The following ADGRL2 variants were observed in gnomAD, a reference collection of about 807,000 sequenced individuals.
ADGRL2 encodes calcium-independent alpha-latrotoxin receptor 2.
Under a neutral mutation model 157.4 loss-of-function variants are expected in ADGRL2, and 44 were observed. The observed-to-expected ratio is 0.28, with a 90% CI of 0.22 to 0.36. The LOEUF (loss-of-function observed/expected upper bound fraction) is 0.36. Among genes scored for constraint, ADGRL2 ranks in the 10% least tolerant of loss-of-function variants. ADGRL2 has a pLI of 1.00. For synonymous variants in ADGRL2, 585 were observed against 624.7 expected, an observed-to-expected ratio of 0.94 and a Z score of 0.95; for missense variants, 1,510 against 1,768.9, an observed-to-expected ratio of 0.85 and a Z score of 2.63.
At chr1:81,543,915 A>C (rs895614822) in intron 2 of ADGRL2, among the ~76,000 whole-genome samples, 1 of 152,148 alleles carries the variant, frequency 6.6e-6, no homozygotes, top group Non-Finnish European at 1.5e-5. Flanking sequence ...GAATGCTTCC[A>C]TTAAAGCCTA....
intron 1 of ADGRL2, among the ~76,000 whole-genome samples, chr1:81,397,711 TGAGAC>T (rs1157013862): frequency 7.9e-5 from 12 of 152,192 alleles, no homozygotes; most frequent in African/African-American, 2.9e-4. Flanking sequence ...TTAAATTTGT[TGAGAC>T]ATTTGCAGCC....
At chr1:81,986,732 CA>C (rs1663245502) in intron 21 of ADGRL2, among the ~76,000 whole-genome samples, 168 bp from the exon 22 acceptor site, 1 of 151,998 alleles carries the variant, frequency 6.6e-6, no homozygotes, top group African/African-American at 2.4e-5. Flanking sequence ...TTCTCTCCTG[CA>C]AATTAGTAGT....
At chr1:81,600,650 G>T (rs12408159) in intron 3 of ADGRL2, among the ~76,000 whole-genome samples, 29,099 of 152,190 alleles carry the variant, frequency 0.19, 3,006 homozygotes, top group East Asian at 0.34. Context: ...GTGTTTCTCA[G>T]AATTTGAATG....
chr1:81,748,467 CAAAAAAAA>C (rs973818702), intron 1 of ADGRL2, among the ~76,000 whole-genome samples: 13 of 42,406 alleles, frequency 3.1e-4, no homozygotes, highest in East Asian at 2.6e-3. Flanking sequence ...GATTCCGTCT[CAAAAAAAA>C]AAAAAAAAAA....
chr1:81,663,661 T>G (rs920338325), intron 3 of ADGRL2, among the ~76,000 whole-genome samples: 1 of 152,194 alleles, frequency 6.6e-6, no homozygotes, highest in East Asian at 1.9e-4. Flanking sequence ...TTTGTTAGGT[T>G]AGGCCTGATT....
intron 2 of ADGRL2, among the ~76,000 whole-genome samples, chr1:81,890,520 A>G (rs1324854778): frequency 6.6e-6 from 1 of 152,110 alleles, no homozygotes; most frequent in Non-Finnish European, 1.5e-5. Flanking sequence ...AACTTGGACT[A>G]AGTTGGGGGT....
intron 11 of ADGRL2, among the ~76,000 whole-genome samples, chr1:81,964,121 A>G (rs1656346114): frequency 6.6e-6 from 1 of 151,946 alleles, no homozygotes; most frequent in African/African-American, 2.4e-5. Context: ...TACTACTTTT[A>G]ATAATTTAAA....
intron 3 of ADGRL2, among the ~76,000 whole-genome samples, chr1:81,612,350 A>C (rs896264768): frequency 5.9e-5 from 9 of 152,190 alleles, no homozygotes; most frequent in African/African-American, 1.7e-4. Flanking sequence ...CCTGGGCACC[A>C]TCAGGGCCTG....
At chr1:81,428,231 T>A (rs946414896) in intron 1 of ADGRL2, among the ~76,000 whole-genome samples, 43 of 152,158 alleles carry the variant, frequency 2.8e-4, no homozygotes, top group African/African-American at 1.0e-3. Context: ...TATTTGTGTG[T>A]TTGCAATGTG....
intron 2 of ADGRL2, among the ~76,000 whole-genome samples, chr1:81,896,184 T>C (rs2094384706): frequency 6.6e-6 from 1 of 152,206 alleles, no homozygotes; most frequent in South Asian, 2.1e-4. Flanking sequence ...AGTTTCTTTG[T>C]TGACAGTGAA....
At chr1:81,617,232 T>C (rs1285653670) in intron 3 of ADGRL2, among the ~76,000 whole-genome samples, 2 of 152,186 alleles carry the variant, frequency 1.3e-5, no homozygotes, top group Admixed American at 1.3e-4. Context: ...GCACGAACCC[T>C]ATTGTGAACT....
chr1:81,773,217 C>T (rs376853544), intron 2 of ADGRL2, among the ~76,000 whole-genome samples: 2 of 152,136 alleles, frequency 1.3e-5, no homozygotes, highest in Non-Finnish European at 2.9e-5. Context: ...ATTAAACTTC[C>T]TAGGGATCCA....
intron 1 of ADGRL2, among the ~76,000 whole-genome samples, chr1:81,801,774 C>T (rs962909434): frequency 2.0e-5 from 3 of 152,158 alleles, no homozygotes; most frequent in Non-Finnish European, 2.9e-5. Flanking sequence ...GTTGGCCTCG[C>T]GCCCCCGGCG....
chr1:81,743,893 A>G (rs2085157703), intron 1 of ADGRL2, among the ~76,000 whole-genome samples: 1 of 152,078 alleles, frequency 6.6e-6, no homozygotes, highest in African/African-American at 2.4e-5. Context: ...TTTGATGTCT[A>G]TTTTTGTAAT....
intron 1 of ADGRL2, among the ~76,000 whole-genome samples, chr1:81,714,452 A>C (rs537196943): frequency 6.6e-6 from 1 of 152,180 alleles, no homozygotes; most frequent in African/African-American, 2.4e-5. Flanking sequence ...CACCTCAAGC[A>C]ATCTTTTATA....
chr1:81,871,056 G>A (rs936299727), intron 2 of ADGRL2, among the ~76,000 whole-genome samples: 4 of 150,644 alleles, frequency 2.7e-5, no homozygotes, highest in African/African-American at 9.8e-5. Flanking sequence ...ATTTACATTA[G>A]GTATGTCTCC....
At chr1:81,602,279 A>C (rs2081347495) in intron 3 of ADGRL2, among the ~76,000 whole-genome samples, 4 of 150,596 alleles carry the variant, frequency 2.7e-5, no homozygotes, top group Admixed American at 2.6e-4. Context: ...GGCCCACATG[A>C]TGAAACCCTG....
At chr1:81,725,880 G>A (rs552605177) in intron 1 of ADGRL2, among the ~76,000 whole-genome samples, 1 of 152,124 alleles carries the variant, frequency 6.6e-6, no homozygotes, top group Non-Finnish European at 1.5e-5. Context: ...CTAGTTGCGG[G>A]GCTGAGGTGG....
chr1:81,961,095 G>T (rs1191696367), intron 11 of ADGRL2, among the ~76,000 whole-genome samples: 1 of 151,976 alleles, frequency 6.6e-6, no homozygotes, highest in Admixed American at 6.6e-5. Flanking sequence ...AAAATAGTAA[G>T]ATAAATATAT....
Sources: allele counts gnomAD v4.1 joint callset (sites outside exome capture counted in the v4.1 genomes callset), GRCh38; gene constraint gnomAD v4.1.1; transcripts MANE v1.5; gene names NCBI Gene and HGNC (gene_info 2026-07-23, HGNC 2026-07-21).